The following FREM1 variants were observed in gnomAD, a reference collection of about 807,000 sequenced individuals.
The protein encoded by FREM1 is FRAS1-related extracellular matrix protein 1.
Under a neutral mutation model 210.1 loss-of-function variants are expected in FREM1, and 220 were observed. The observed-to-expected ratio is 1.05, with a 90% CI of 0.94 to 1.17. The LOEUF (loss-of-function observed/expected upper bound fraction) is 1.17. Among genes scored for constraint, FREM1 ranks in the 50% most tolerant of loss-of-function variants. The pLI, the probability that FREM1 is intolerant of heterozygous loss-of-function variation, is 0.00. For synonymous variants in FREM1, 1,189 were observed against 980.2 expected (o/e 1.21, Z -3.98); for missense variants, 3,454 against 2,675.5 (o/e 1.29, Z -6.42).
intron 14 of FREM1, among the ~76,000 whole-genome samples, chr9:14,817,997 A>G (rs948217493): frequency 1.8e-4 from 28 of 152,246 alleles, no homozygotes; most frequent in Non-Finnish European, 3.7e-4. Context: ...CTGGAGTCAA[A>G]CAGATATTCT....
At chr9:14,875,237 T>C (rs192887975) in intron 1 of FREM1, among the ~76,000 whole-genome samples, 1 of 152,334 alleles carries the variant, frequency 6.6e-6, no homozygotes, top group African/African-American at 2.4e-5. Context: ...TGGGGAAGTT[T>C]TCCTGGATAA....
intron 27 of FREM1, among the ~76,000 whole-genome samples, chr9:14,768,467 T>C (rs1194785522): frequency 6.6e-6 from 1 of 152,048 alleles, no homozygotes; most frequent in Non-Finnish European, 1.5e-5. Context: ...GTCATATGTT[T>C]TACATTTTGT....
rs1184963600 is a variant in FREM1 at position 14,801,551 on chromosome 9, C to T, written c.3694+101G>A. The T allele has an allele frequency of 3.8e-6, 3 of 795,680 alleles. No homozygotes were observed. The African/African-American group carries it at 5.2e-5, about 14-fold the overall frequency. The allele number at this position is 795,680 out of a possible 1,614,324, so 49.3% of individuals were successfully genotyped here. A position where few individuals can be genotyped will look rare whatever the true frequency, so the allele number is the denominator to read the frequency against. ...AGCCTCTAGTAACCATCATTCTACT[C>T]TCTGCTTATATTAGTTTGACCTTTT... On this transcript the variant is annotated intron_variant, in intron 20 of 36. Transcript: ENST00000380880.
At chr9:14,796,683 T>C (rs1314140872) in intron 21 of FREM1, among the ~76,000 whole-genome samples, 3 of 152,180 alleles carry the variant, frequency 2.0e-5, no homozygotes, top group Admixed American at 1.3e-4. Flanking sequence ...CAAGATCTGA[T>C]GGTTTTATAA....
At chr9:14,838,289 A>G (rs1254884375) in intron 10 of FREM1, among the ~76,000 whole-genome samples, 2 of 152,204 alleles carry the variant, frequency 1.3e-5, no homozygotes, top group African/African-American at 4.8e-5. Context: ...TCAAGTAATC[A>G]TTTTATCTGG....
chr9:14,852,818 T>A (rs546968401), intron 5 of FREM1, among the ~76,000 whole-genome samples: 8 of 152,222 alleles, frequency 5.3e-5, no homozygotes, highest in Admixed American at 2.6e-4. Flanking sequence ...ACACTTGCCA[T>A]TGGGCTAGGA....
intron 14 of FREM1, among the ~76,000 whole-genome samples, chr9:14,818,828 T>G (rs1820770833): frequency 6.6e-6 from 1 of 152,156 alleles, no homozygotes; most frequent in Non-Finnish European, 1.5e-5. Context: ...TCAACAGAGT[T>G]CTATCCCAGA....
At chr9:14,907,542 G>C (rs1268386254) in intron 1 of FREM1, among the ~76,000 whole-genome samples, 1 of 152,202 alleles carries the variant, frequency 6.6e-6, no homozygotes, top group African/African-American at 2.4e-5. Context: ...ATCAGATTCA[G>C]ACAAGATAAG....
chr9:14,894,719 C>T lies in FREM1; in HGVS notation c.-268+15195G>A, dbSNP rs1837406313. Among the ~76,000 whole-genome samples, 3 of 152,120 alleles carry T rather than the reference C, an allele frequency of 2.0e-5. No individual in the cohort carries two copies. The South Asian group carries it at 6.2e-4, about 31-fold the overall frequency. On this transcript the variant is annotated intron_variant, in intron 1 of 36. Transcript: ENST00000380880. Reference sequence around the variant, plus strand: ...TTTAACAATTGAGTAAAGTATACTCCTATGAACAGAATTTGGAGCATGTTT... The same window carrying T: ...TTTAACAATTGAGTAAAGTATACTCTTATGAACAGAATTTGGAGCATGTTT...
chr9:14,759,733 T>C (rs912089720), intron 28 of FREM1, 39 bp downstream of exon 28: 1 of 1,507,966 alleles, frequency 6.6e-7, no homozygotes, highest in African/African-American at 1.4e-5. Context: ...AAGAACAACA[T>C]AAGTTTTAGC....
intron 27 of FREM1, among the ~76,000 whole-genome samples, chr9:14,765,046 C>A (rs1846144141): frequency 6.6e-6 from 1 of 152,156 alleles, no homozygotes; most frequent in African/African-American, 2.4e-5. Context: ...TTGAGCTTCT[C>A]AGCAAAAGGT....
At chr9:14,863,482 A>G (rs1830944225) in intron 3 of FREM1, among the ~76,000 whole-genome samples, 2 of 152,178 alleles carry the variant, frequency 1.3e-5, no homozygotes, top group Admixed American at 1.3e-4. Flanking sequence ...GATTTTCATT[A>G]AGAATTTGTA....
chr9:14,826,604 A>G (rs1389813973), intron 10 of FREM1, among the ~76,000 whole-genome samples: 1 of 152,078 alleles, frequency 6.6e-6, no homozygotes, highest in Non-Finnish European at 1.5e-5. Context: ...ACCCCTTGGT[A>G]TGGTTTGAAT....
chr9:14,796,885 G>A (rs1200898668), intron 21 of FREM1, among the ~76,000 whole-genome samples: 2 of 152,138 alleles, frequency 1.3e-5, no homozygotes, highest in Non-Finnish European at 2.9e-5. Flanking sequence ...AGCAGTGTGA[G>A]AACAGACTAA....
At chr9:14,801,019 C>G (rs1005040644) in intron 20 of FREM1, among the ~76,000 whole-genome samples, 1 of 152,104 alleles carries the variant, frequency 6.6e-6, no homozygotes, top group Non-Finnish European at 1.5e-5. Context: ...TTGACAGAGT[C>G]TCACTCTGTC....
At chr9:14,856,261 T>A (rs1828711495) in intron 5 of FREM1, among the ~76,000 whole-genome samples, 1 of 152,232 alleles carries the variant, frequency 6.6e-6, no homozygotes, top group Non-Finnish European at 1.5e-5. Context: ...AAGTGGACGT[T>A]TGAACCCAGG....
In FREM1 at chr9:14,808,146, A is replaced by C. The variant is rs1225438960; in HGVS notation, c.2894-12T>G. On this transcript the variant is annotated splice_polypyrimidine_tract_variant and intron_variant, in intron 16 of 36. Transcript: ENST00000380880. ...GCCAATCTCGCCACCTGGAAGACAC[A>C]ACTATAGCTGAAACCTGCCTTTTAA... 6.5e-7 allele frequency: 1 copy of C among 1,549,802 alleles called. No homozygotes were observed. The highest frequency in any genetic ancestry group is 2.3e-5 in the East Asian group (1 of 43,688).
chr9:14,747,931 A>T (rs1842754461), intron 31 of FREM1, among the ~76,000 whole-genome samples: 1 of 152,266 alleles, frequency 6.6e-6, no homozygotes, highest in African/African-American at 2.4e-5. Flanking sequence ...GGATTCACAC[A>T]TACAGAGTTC....
At chr9:14,793,452 C>T (rs1192462182) in intron 21 of FREM1, among the ~76,000 whole-genome samples, 1 of 152,202 alleles carries the variant, frequency 6.6e-6, no homozygotes, top group African/African-American at 2.4e-5. Context: ...CCCAGTGTTA[C>T]AGATGCCAGG....
Sources: gnomAD v4.1 joint callset for allele counts (sites outside exome capture counted in the v4.1 genomes callset) on GRCh38, gnomAD v4.1.1 for gene constraint, MANE v1.5 for transcripts, NCBI Gene and HGNC (gene_info 2026-07-23, HGNC 2026-07-21) for gene names.